The following REV3L variants were observed in gnomAD, a reference collection of about 807,000 sequenced individuals.
The protein encoded by REV3L is DNA polymerase zeta catalytic subunit.
In REV3L, 69 loss-of-function variants were observed where a neutral mutation model predicts 299.4. The observed-to-expected ratio is 0.23, with a 90% CI of 0.19 to 0.28. REV3L has a LOEUF of 0.28. Among genes scored for constraint, REV3L ranks in the 10% least tolerant of loss-of-function variants. The probability of loss-of-function intolerance (pLI) is 1.00; values close to 1 mark genes in which losing one functional copy is unlikely to be tolerated. For synonymous variants in REV3L, 1,238 were observed against 1,271.4 expected (o/e 0.97, Z 0.56); for missense variants, 3,128 against 3,693.8 (o/e 0.85, Z 3.97).
At chr6:111,348,295 G>A (rs1321863333) in intron 20 of REV3L, among the ~76,000 whole-genome samples, 1 of 152,074 alleles carries the variant, frequency 6.6e-6, no homozygotes, top group African/African-American at 2.4e-5. Context: ...CTTCAAGGAT[G>A]CAAATATTAC....
chr6:111,438,255 T>C (rs1020113094), intron 1 of REV3L, among the ~76,000 whole-genome samples: 6 of 152,060 alleles, frequency 3.9e-5, no homozygotes, highest in Admixed American at 2.0e-4. Flanking sequence ...ATTTTGAATA[T>C]ACCATTAGAG....
chr6:111,375,740 G>A lies in REV3L; in HGVS notation c.2615C>T (p.Ala872Val). The A allele has an allele frequency of 3.7e-6, 6 of 1,613,346 alleles. No homozygotes were observed. The highest frequency in any genetic ancestry group is 1.7e-4 in the Middle Eastern group (1 of 6,058). ...PCNSNPEKDN[A>V]LASDLTKTTR... Reference sequence around the variant, plus strand: ...GGTTTTAGTTAAATCACTAGCCAATGCATTATCCTTCTCAGGATTACTATT... The same window carrying A: ...GGTTTTAGTTAAATCACTAGCCAATACATTATCCTTCTCAGGATTACTATT... The change falls in exon 13 of 32, where the codon GCA (alanine) becomes GTA (valine). Residue 872 changes from alanine (A) to valine (V), a missense_variant. Ala to Val is a moderately conservative substitution (Grantham distance 64). Around this residue, in one of 9 missense-constraint regions of REV3L, gnomAD observed 2,409 missense variants for 2,611.8 expected, o/e 0.92. Coordinates refer to ENST00000368802, the MANE Select transcript of REV3L (RefSeq NM_001372078.1).
intron 4 of REV3L, 83 bp from the exon 5 acceptor site, chr6:111,393,055 TG>T (rs1351996070): frequency 2.6e-5 from 22 of 837,518 alleles, no homozygotes; most frequent in Admixed American, 2.6e-4. Flanking sequence ...TTTTTTTTTT[TG>T]AGATGGAGTC....
rs372178717 is a variant in REV3L at position 111,390,110 on chromosome 6, T to C, written c.733A>G (p.Ile245Val). 90 of 1,608,456 alleles carry C rather than the reference T, an allele frequency of 5.6e-5. No homozygotes were observed. Among genetic ancestry groups the C allele is most frequent in the Non-Finnish European group, 7.0e-5 (82 of 1,175,142 alleles). Residue 245 changes from isoleucine to valine, a missense_variant, in exon 6 of 32, where the codon ATC (isoleucine) becomes GTC (valine). Coordinates refer to ENST00000368802, the MANE Select transcript of REV3L (RefSeq NM_001372078.1). ...CCTTCAATGTCCAGACGATTTAAGA[T>C]ATCAGCAGCTACAGCATCCACTTCT... is the stretch of plus-strand genomic sequence containing the variant. ...ELEVDAVAAD[I>V]LNRLDIEAQI...
chr6:111,377,706 T>C lies in REV3L; in HGVS notation c.1592A>G (p.Asn531Ser). The C allele has an allele frequency of 1.2e-6, 2 of 1,611,352 alleles. No individual in the cohort carries two copies. Residue 531 changes from asparagine to serine, a missense_variant, in exon 12 of 32, where the codon AAT (asparagine) becomes AGT (serine). Asn to Ser is a conservative substitution (Grantham distance 46). Transcript: ENST00000368802. The part of the protein sequence containing the change: ...IPQLDGTADE[N>S]SDNPLNNENS... Reference sequence around the variant, plus strand: ...CAGTAGACTTGTTTACTTACCACTATTTTCATCTGCAGTTCCATCTAACTG... The same window carrying C: ...CAGTAGACTTGTTTACTTACCACTACTTTCATCTGCAGTTCCATCTAACTG...
intron 30 of REV3L, chr6:111,309,650 A>T (rs1012180490): frequency 4.1e-6 from 2 of 491,708 alleles, no homozygotes; most frequent in Non-Finnish European, 7.0e-6. Flanking sequence ...CCTCACCTAG[A>T]TCTGTGGGGG....
chr6:111,345,516 C>G (rs1776933614), intron 20 of REV3L, among the ~76,000 whole-genome samples: 1 of 152,004 alleles, frequency 6.6e-6, no homozygotes, highest in Non-Finnish European at 1.5e-5. Flanking sequence ...CCTTGAACTC[C>G]TCTTCTCTAA....
Position 111,376,546 on chromosome 6 carries a change from G to T in REV3L, c.1809C>A (p.Asn603Lys). The change falls in exon 13 of 32, where the codon AAC (asparagine) becomes AAA (lysine). Residue 603 changes from asparagine to lysine, a missense_variant. Asn to Lys is a moderately conservative substitution (Grantham distance 94). Transcript: ENST00000368802. ...EDLIEDLSQT[N>K]KNTEKGLDNS... ...TATCTAGACCTTTTTCTGTATTTTT[G>T]TTTGTCTGTGAAAGGTCTTCAATTA... The T allele has an allele frequency of 6.2e-7, 1 of 1,611,650 alleles. No homozygotes were observed. Among genetic ancestry groups the T allele is most frequent in the Non-Finnish European group, 8.5e-7 (1 of 1,179,402 alleles).
At chr6:111,479,317 T>C (rs975919378) in intron 1 of REV3L, among the ~76,000 whole-genome samples, 2 of 152,322 alleles carry the variant, frequency 1.3e-5, no homozygotes, top group East Asian at 1.9e-4. Flanking sequence ...AATTTGATTA[T>C]GTCAAAATAA....
At chr6:111,441,956 G>C (rs1272209531) in intron 1 of REV3L, among the ~76,000 whole-genome samples, 1 of 152,176 alleles carries the variant, frequency 6.6e-6, no homozygotes, top group Non-Finnish European at 1.5e-5. Flanking sequence ...CTGTGTCCCG[G>C]GGGTGTGACC....
chr6:111,400,931 C>A (rs1783025546), intron 4 of REV3L, among the ~76,000 whole-genome samples: 1 of 152,070 alleles, frequency 6.6e-6, no homozygotes, highest in African/African-American at 2.4e-5. Flanking sequence ...AAAATATGTT[C>A]TTTTATTTTT....
chr6:111,322,439 A>G (rs1774287353), intron 26 of REV3L, 130 bp downstream of exon 26: 1 of 682,096 alleles, frequency 1.5e-6, no homozygotes, highest in East Asian at 2.5e-5. Context: ...TCTGATCATG[A>G]GATCGTAAGG....
intron 1 of REV3L, among the ~76,000 whole-genome samples, chr6:111,481,639 A>C (rs1793665445): frequency 6.6e-6 from 1 of 152,234 alleles, no homozygotes; most frequent in African/African-American, 2.4e-5. Context: ...AAGGAGCATC[A>C]AGTGGGAAAT....
At chr6:111,359,520 G>GAA (rs371680267) in intron 16 of REV3L, among the ~76,000 whole-genome samples, 34,619 of 102,474 alleles carry the variant, frequency 0.34, 7,519 homozygotes, top group Non-Finnish European at 0.44. Flanking sequence ...AGTTTTTCCT[G>GAA]AAAAAAAAAA....
intron 1 of REV3L, among the ~76,000 whole-genome samples, chr6:111,431,976 T>TA (rs559912353): frequency 8.6e-4 from 131 of 152,178 alleles, no homozygotes; most frequent in African/African-American, 3.0e-3. Context: ...AGAGGGTTTT[T>TA]AAAAAAAATT....
At chr6:111,451,002 AAGG>A (rs1789470434) in intron 1 of REV3L, among the ~76,000 whole-genome samples, 2 of 152,368 alleles carry the variant, frequency 1.3e-5, no homozygotes, top group South Asian at 4.1e-4. Flanking sequence ...ATAAGGCAGA[AAGG>A]AGACAGAATC....
chr6:111,431,274 T>C, intron 1 of REV3L: 1 of 1,453,100 alleles, frequency 6.9e-7, no homozygotes, highest in Non-Finnish European at 9.7e-7. Flanking sequence ...TGTCACTGCC[T>C]GAAGATGGAA....
At chr6:111,428,107 T>TA (rs1417782277) in intron 1 of REV3L, among the ~76,000 whole-genome samples, 20 of 150,492 alleles carry the variant, frequency 1.3e-4, no homozygotes, top group African/African-American at 4.9e-4. Flanking sequence ...ACAAGCCAGA[T>TA]AGAGAAGACT....
chr6:111,369,847 T>C (rs764221302), intron 13 of REV3L, among the ~76,000 whole-genome samples: 1 of 150,344 alleles, frequency 6.7e-6, no homozygotes, highest in Non-Finnish European at 1.5e-5. Context: ...ACAGTTTCAT[T>C]TTTTTTTTTT....
Sources: gnomAD v4.1 joint callset for allele counts (sites outside exome capture counted in the v4.1 genomes callset) on GRCh38, gnomAD v4.1.1 for gene constraint, gnomAD v4.1.1 regional missense constraint, MANE v1.5 for transcripts, NCBI Gene and HGNC (gene_info 2026-07-23, HGNC 2026-07-21) for gene names.